AP1G1: variants seen among roughly 807,000 people sequenced by gnomAD.
AP1G1 encodes AP-1 complex subunit gamma-1.
A neutral mutation model predicts 108.3 loss-of-function variants in AP1G1; 7 were observed. The ratio of observed to expected loss-of-function variants is 0.06; its 90% CI spans 0.04 to 0.12. The LOEUF (loss-of-function observed/expected upper bound fraction) is 0.12, where lower values mean the gene tolerates loss of function less well. AP1G1 is among the 10% of genes least tolerant of loss of function. AP1G1 has a pLI of 1.00. For synonymous variants in AP1G1, 379 were observed against 353.5 expected (o/e 1.07, Z -0.81); for missense variants, 756 against 1,010.7 (o/e 0.75, Z 3.42).
chr16:71,748,712 A>T (rs1222272307), intron 15 of AP1G1, among the ~76,000 whole-genome samples: 2 of 152,202 alleles, frequency 1.3e-5, no homozygotes, highest in Non-Finnish European at 2.9e-5. Flanking sequence ...TGTTGTTGCC[A>T]CAATTTTCCC....
At chr16:71,737,894 T>C (rs955210476) in intron 21 of AP1G1, among the ~76,000 whole-genome samples, 1 of 152,290 alleles carries the variant, frequency 6.6e-6, no homozygotes, top group African/African-American at 2.4e-5. Context: ...CAGAACTATG[T>C]TCATTCATTT....
intron 1 of AP1G1, among the ~76,000 whole-genome samples, chr16:71,804,306 A>T (rs963351120): frequency 4.6e-5 from 7 of 152,080 alleles, no homozygotes; most frequent in Non-Finnish European, 8.8e-5. Context: ...TCGGCCTCCC[A>T]AAGTGCTGGG....
intron 17 of AP1G1, among the ~76,000 whole-genome samples, chr16:71,746,193 G>A (rs1180833925): frequency 6.6e-6 from 1 of 152,150 alleles, no homozygotes; most frequent in Non-Finnish European, 1.5e-5. Context: ...TGTATTTTTA[G>A]TAGAGACGGG....
intron 1 of AP1G1, among the ~76,000 whole-genome samples, chr16:71,807,201 G>A (rs2033023778): frequency 6.6e-6 from 1 of 152,138 alleles, no homozygotes; most frequent in African/African-American, 2.4e-5. Context: ...CGAGGCGGGC[G>A]GATTACCTGA....
At chr16:71,737,601 T>A (rs948049128) in intron 21 of AP1G1, among the ~76,000 whole-genome samples, 1 of 152,210 alleles carries the variant, frequency 6.6e-6, no homozygotes, top group Admixed American at 6.5e-5. Context: ...TTCTTAAACA[T>A]CTAAATTATT....
chr16:71,772,633 T>C (rs1299081297), intron 4 of AP1G1, among the ~76,000 whole-genome samples: 1 of 152,186 alleles, frequency 6.6e-6, no homozygotes, highest in Non-Finnish European at 1.5e-5. Context: ...AAACCATTAA[T>C]AGAGAGGCAC....
At chr16:71,796,452 T>C (rs2032587540) in intron 1 of AP1G1, among the ~76,000 whole-genome samples, 1 of 152,156 alleles carries the variant, frequency 6.6e-6, no homozygotes, top group South Asian at 2.1e-4. Context: ...AACTCCCAAG[T>C]ACCTCCATAC....
chr16:71,774,889 T>C (rs1226081548), intron 2 of AP1G1, among the ~76,000 whole-genome samples: 2 of 151,540 alleles, frequency 1.3e-5, no homozygotes, highest in African/African-American at 4.9e-5. Context: ...CCTGGCTAAT[T>C]TTTGCATTTT....
At chr16:71,748,930 G>A (rs183565722) in intron 15 of AP1G1, among the ~76,000 whole-genome samples, 2 of 151,302 alleles carry the variant, frequency 1.3e-5, no homozygotes, top group African/African-American at 4.9e-5. Context: ...GTTTTGAGAC[G>A]GAGTCTGGCT....
chr16:71,753,765 C>T (rs950414288), intron 13 of AP1G1, 68 bp downstream of exon 13: 2 of 1,410,408 alleles, frequency 1.4e-6, no homozygotes, highest in Non-Finnish European at 2.0e-6. Context: ...CTGACTAGAA[C>T]ATAAACTTCA....
intron 15 of AP1G1, 37 bp from the exon 16 acceptor site, chr16:71,748,415 GA>G: frequency 6.3e-7 from 1 of 1,599,818 alleles, no homozygotes; most frequent in Non-Finnish European, 8.5e-7. Flanking sequence ...GATGAAGAAT[GA>G]GTAGCATGAT....
intron 2 of AP1G1, among the ~76,000 whole-genome samples, chr16:71,783,556 T>G (rs890175332): frequency 6.6e-6 from 1 of 152,160 alleles, no homozygotes; most frequent in Non-Finnish European, 1.5e-5. Flanking sequence ...TTTAATTTTT[T>G]AAAAAGATGT....
chr16:71,755,977 T>G, intron 12 of AP1G1, 42 bp downstream of exon 12: 1 of 1,586,668 alleles, frequency 6.3e-7, no homozygotes, highest in Non-Finnish European at 8.6e-7. Flanking sequence ...TTCCAAAAGT[T>G]CCAAGCAGAC....
intron 16 of AP1G1, chr16:71,747,256 A>C (rs1432904688): frequency 2.0e-5 from 3 of 152,216 alleles, no homozygotes; most frequent in South Asian, 4.1e-4. Flanking sequence ...TACTTTATTC[A>C]AAAAAGCAAA....
intron 21 of AP1G1, among the ~76,000 whole-genome samples, chr16:71,735,855 C>T (rs993684717): frequency 7.3e-5 from 11 of 151,196 alleles, no homozygotes; most frequent in Admixed American, 4.6e-4. Context: ...AGATATATTA[C>T]ACTGGGGGCT....
chr16:71,795,176 G>A (rs1233094660), intron 1 of AP1G1, among the ~76,000 whole-genome samples: 1 of 152,036 alleles, frequency 6.6e-6, no homozygotes, highest in Non-Finnish European at 1.5e-5. Context: ...TGCACTTTCA[G>A]CTACTGACAG....
At position 71,761,814 on chromosome 16, in the gene AP1G1, C is replaced by T. The variant is rs2031099464; in HGVS notation, c.919-247G>A. 1.0e-5 allele frequency among the ~76,000 whole-genome samples: 1 copy of T among 98,132 alleles called. No homozygotes were observed. Among genetic ancestry groups the T allele is most frequent in the African/African-American group, 4.6e-5 (1 of 21,924 alleles). The allele number at this position is 98,132 out of a possible 152,430, so 64.4% of individuals were successfully genotyped here. ...TCGGAGCAACAGAGCAAGACTCCAT[C>T]TCAAAAAAAAAAAAAAAAAAAAAAA... On this transcript the variant is annotated intron_variant, in intron 9 of 22. Transcript: ENST00000299980.
intron 6 of AP1G1, among the ~76,000 whole-genome samples, chr16:71,767,616 T>C (rs528989858): frequency 7.9e-5 from 12 of 151,990 alleles, no homozygotes; most frequent in Admixed American, 3.9e-4. Context: ...CAAGTAAAGA[T>C]AAAGAAAAGG....
intron 4 of AP1G1, 135 bp from the exon 5 acceptor site, chr16:71,771,387 G>A (rs969722070): frequency 1.6e-5 from 9 of 569,590 alleles, no homozygotes; most frequent in Non-Finnish European, 2.7e-5. Flanking sequence ...GAAGAGGTTA[G>A]ATATTAGATT....
Sources: gnomAD v4.1 joint callset for allele counts (sites outside exome capture counted in the v4.1 genomes callset) on GRCh38, gnomAD v4.1.1 for gene constraint, MANE v1.5 for transcripts, NCBI Gene and HGNC (gene_info 2026-07-23, HGNC 2026-07-21) for gene names.